ZPLD1: variants seen among roughly 807,000 people sequenced by gnomAD.
The protein encoded by ZPLD1 is zona pellucida like domain containing 1, also known as zona pellucida-like domain-containing protein 1.
A neutral mutation model predicts 47.2 loss-of-function variants in ZPLD1; 34 were observed. The ratio of observed to expected loss-of-function variants is 0.72; its 90% CI spans 0.55 to 0.96. The LOEUF (loss-of-function observed/expected upper bound fraction) is 0.96. ZPLD1 is among the 40% of genes least tolerant of loss of function. ZPLD1 has a pLI of 0.00. For missense variants in ZPLD1, 512 were observed against 505.8 expected, an observed-to-expected ratio of 1.01 and a Z score of -0.12; for synonymous variants, 176 against 186.2, an observed-to-expected ratio of 0.95 and a Z score of 0.45.
chr3:102,438,459 TGATA>T lies in ZPLD1; in HGVS notation c.-8-16_-8-13del. 1 of 1,571,726 alleles carries T rather than the reference TGATA, an allele frequency of 6.4e-7. No homozygotes were observed. The highest frequency in any genetic ancestry group is 8.8e-7 in the Non-Finnish European group (1 of 1,141,304). On this transcript the variant is annotated splice_polypyrimidine_tract_variant and intron_variant, in intron 2 of 11. Transcript: ENST00000466937. ...AAGGAGTTAAGTGGGAGTGTCCACATGATAGATATCTCTTTTCCAGGTTTTGCAA... is the reference window on the plus strand; with the variant it reads ...AAGGAGTTAAGTGGGAGTGTCCACATGATATCTCTTTTCCAGGTTTTGCAA...
intron 10 of ZPLD1, among the ~76,000 whole-genome samples, chr3:102,472,884 C>A (rs1707706387): frequency 1.3e-5 from 2 of 152,088 alleles, no homozygotes. Context: ...TCTCATGCTG[C>A]TAATAAAGAC....
Position 102,420,202 on chromosome 3 carries a change from A to G in ZPLD1, c.-9+1995A>G, listed in dbSNP as rs145351833. Among the ~76,000 whole-genome samples the G allele has an allele frequency of 2.3e-3, 357 of 152,068 alleles. 1 individual carries two copies. Among genetic ancestry groups the G allele is most frequent in the African/African-American group, 8.1e-3 (338 of 41,546 alleles). ...CTTAAAAAAGCAGCTGATCAATTCCACCAGTTTGAATGAACATGGTTTTTT... is the reference window on the plus strand; with the variant it reads ...CTTAAAAAAGCAGCTGATCAATTCCGCCAGTTTGAATGAACATGGTTTTTT... On this transcript the variant is annotated intron_variant, in intron 8 of 17. Coordinates refer to the ZPLD1 transcript ENST00000491959.
chr3:102,390,154 A>G (rs1706478916), intron 6 of ZPLD1, among the ~76,000 whole-genome samples: 1 of 152,204 alleles, frequency 6.6e-6, no homozygotes, highest in Non-Finnish European at 1.5e-5. Context: ...AGATTTCTCC[A>G]AGGCACCTCA....
intron 7 of ZPLD1, among the ~76,000 whole-genome samples, chr3:102,401,609 G>A (rs980295884): frequency 5.9e-5 from 9 of 152,024 alleles, no homozygotes; most frequent in Non-Finnish European, 8.8e-5. Context: ...GAAGGATTGG[G>A]CACTTAGGCA....
chr3:102,442,319 AACACACACAC>A (rs34634788), intron 3 of ZPLD1, among the ~76,000 whole-genome samples: 10,192 of 139,898 alleles, frequency 0.073, 768 homozygotes, highest in African/African-American at 0.2. Flanking sequence ...TACACCCATA[AACACACACAC>A]ACACACACAC....
At chr3:102,420,858 A>C (rs1706868905) in intron 8 of ZPLD1, among the ~76,000 whole-genome samples, 1 of 151,956 alleles carries the variant, frequency 6.6e-6, no homozygotes, top group Admixed American at 6.6e-5. Context: ...ATGAAACCAA[A>C]ATATTTTAAA....
At chr3:102,391,072 A>G (rs919249827) in intron 6 of ZPLD1, among the ~76,000 whole-genome samples, 2 of 152,134 alleles carry the variant, frequency 1.3e-5, no homozygotes, top group African/African-American at 4.8e-5. Flanking sequence ...ATGCTGATAT[A>G]TTTTGGCTTT....
In ZPLD1 at chr3:102,438,596, A is replaced by C. The variant is rs370088641; in HGVS notation, c.106+3A>C. ...CAACCTCCACAGTAGATTTCCTGGT[A>C]AGTGTAAGCCTAATCTATTCTCTAG... On this transcript the variant is annotated splice_donor_region_variant and intron_variant, in intron 3 of 11. Transcript: ENST00000466937. 1.7e-4 allele frequency: 272 copies of C among 1,603,982 alleles called. No individual in the cohort carries two copies. Among genetic ancestry groups the C allele is most frequent in the Admixed American group, 2.2e-4 (13 of 59,964 alleles).
chr3:102,424,367 A>G (rs1046568597), intron 8 of ZPLD1, among the ~76,000 whole-genome samples: 1 of 152,114 alleles, frequency 6.6e-6, no homozygotes, highest in Non-Finnish European at 1.5e-5. Flanking sequence ...AATGTCCTAT[A>G]TCTATTCCCT....
chr3:102,473,287 G>A (rs921991859), intron 10 of ZPLD1, among the ~76,000 whole-genome samples: 1 of 152,094 alleles, frequency 6.6e-6, no homozygotes, highest in Non-Finnish European at 1.5e-5. Flanking sequence ...ATAAGTAGAA[G>A]TCTCTAATTC....
At position 102,422,935 on chromosome 3, in the gene ZPLD1, C is replaced by T. The variant is rs568328160; in HGVS notation, c.-9+4728C>T. ...GATCAGGCAGTCTATTTATAGGATT[C>T]ATCAACCTTGGTGTGAAATGTCATG... is the stretch of plus-strand genomic sequence containing the variant. On this transcript the variant is annotated intron_variant, in intron 8 of 17. Coordinates refer to the ZPLD1 transcript ENST00000491959. Among the ~76,000 whole-genome samples, 14 of 152,088 alleles carry T rather than the reference C, an allele frequency of 9.2e-5. No individual in the cohort carries two copies. The South Asian group carries it at 2.9e-3, about 32-fold the overall frequency.
chr3:102,478,589 A>G lies in ZPLD1; in HGVS notation c.*971A>G, dbSNP rs996746656. The G allele has an allele frequency of 6.7e-6, 1 of 149,630 alleles. No homozygotes were observed. Among genetic ancestry groups the G allele is most frequent in the Non-Finnish European group, 1.5e-5 (1 of 67,078 alleles). The allele number at this position is 149,630 out of a possible 1,614,324, so 9.3% of individuals were successfully genotyped here. On this transcript the variant is annotated 3_prime_UTR_variant, in exon 12 of 12. Coordinates refer to ENST00000466937, the MANE Select transcript of ZPLD1 (RefSeq NM_001329788.2). ...ACATTGTTGGAATCTACATAAAAAGATATTCCTTCCCCCATATTTTCGATG... is the reference window on the plus strand; with the variant it reads ...ACATTGTTGGAATCTACATAAAAAGGTATTCCTTCCCCCATATTTTCGATG...
intron 8 of ZPLD1, among the ~76,000 whole-genome samples, chr3:102,421,460 G>A (rs1018951724): frequency 6.6e-6 from 1 of 151,558 alleles, no homozygotes; most frequent in Non-Finnish European, 1.5e-5. Flanking sequence ...GTTATCCATA[G>A]GTACACACAT....
Position 102,457,844 on chromosome 3 carries a change from C to G in ZPLD1, c.573C>G (p.Leu191=). ...NGTFVSTLNL[L]LYNDSTYNQQ... is the part of the protein sequence containing the mutation. ...CATTTGTCAGCACTTTGAACCTGCT[C>G]CTTTATAACGTAAGTTGATGGGTGA... is the stretch of plus-strand genomic sequence containing the variant. Residue 191 remains leucine, a synonymous_variant, in exon 6 of 12, where the codon CTC becomes CTG. Transcript: ENST00000466937. The G allele has an allele frequency of 6.2e-7, 1 of 1,613,840 alleles. No individual in the cohort carries two copies. The highest frequency in any genetic ancestry group is 1.7e-5 in the Admixed American group (1 of 60,016).
At chr3:102,419,236 C>T (rs1003277031) in intron 8 of ZPLD1, among the ~76,000 whole-genome samples, 5 of 151,908 alleles carry the variant, frequency 3.3e-5, no homozygotes, top group Non-Finnish European at 5.9e-5. Context: ...TTTCATTTTT[C>T]AGTCACTAGC....
At chr3:102,437,061 C>T (rs1304702829) in intron 2 of ZPLD1, 88 bp downstream of exon 2, 2 of 551,122 alleles carry the variant, frequency 3.6e-6, no homozygotes, top group Non-Finnish European at 4.6e-6. Context: ...CTGTCTTATT[C>T]TAGTTGAAGT....
At chr3:102,400,699 T>G (rs1414927107) in intron 7 of ZPLD1, among the ~76,000 whole-genome samples, 1 of 152,214 alleles carries the variant, frequency 6.6e-6, no homozygotes, top group East Asian at 1.9e-4. Flanking sequence ...GTTTCCCTCA[T>G]TGGGATAGTG....
At chr3:102,466,880 C>T (rs529775259) in intron 8 of ZPLD1, among the ~76,000 whole-genome samples, 1 of 151,552 alleles carries the variant, frequency 6.6e-6, no homozygotes, top group Non-Finnish European at 1.5e-5. Context: ...ATTGTCCCCC[C>T]AAAAGCCAAA....
rs1313899746 is a variant in ZPLD1, at chr3:102,478,993, A to G, written c.*1375A>G. On this transcript the variant is annotated 3_prime_UTR_variant, in exon 12 of 12. Transcript: ENST00000466937. ...TGCAAATCATCAAGCAATTGCTTCAAAGGAAATGTCTACAATGTGAGTTAA... is the reference window on the plus strand; with the variant it reads ...TGCAAATCATCAAGCAATTGCTTCAGAGGAAATGTCTACAATGTGAGTTAA... The G allele has an allele frequency of 2.0e-5, 3 of 152,200 alleles. No individual in the cohort carries two copies. Among genetic ancestry groups the G allele is most frequent in the East Asian group, 3.8e-4 (2 of 5,198 alleles). 9.4% of individuals were successfully genotyped at this position (152,200 alleles called of 1,614,324 possible).
Sources: allele counts gnomAD v4.1 joint callset (sites outside exome capture counted in the v4.1 genomes callset), GRCh38; gene constraint gnomAD v4.1.1; transcripts MANE v1.5; gene names NCBI Gene and HGNC (gene_info 2026-07-23, HGNC 2026-07-21).